IL12RB2: variants seen among roughly 807,000 people sequenced by gnomAD.
IL12RB2 encodes the protein interleukin-12 receptor subunit beta-2.
A neutral mutation model predicts 89.4 loss-of-function variants in IL12RB2; 82 were observed. That is an observed-to-expected ratio of 0.92 (90% CI 0.77 to 1.10). IL12RB2 has a LOEUF of 1.10. IL12RB2 is among the 50% of genes least tolerant of loss of function. The pLI is 0.00. For missense variants in IL12RB2, 963 were observed against 1,031.9 expected (o/e 0.93, Z 0.92); for synonymous variants, 368 against 370.1 (o/e 0.99, Z 0.07).
chr1:67,382,945 T>G (rs1484409536), intron 14 of IL12RB2, among the ~76,000 whole-genome samples: 1 of 152,224 alleles, frequency 6.6e-6, no homozygotes, highest in Non-Finnish European at 1.5e-5. Context: ...TTTTCCATGC[T>G]GTTCTCTGCT....
intron 13 of IL12RB2, among the ~76,000 whole-genome samples, chr1:67,375,852 T>C (rs1323043382): frequency 6.6e-6 from 1 of 150,542 alleles, no homozygotes; most frequent in East Asian, 1.9e-4. Context: ...TTTTTCTTTT[T>C]TTTTTTTTTT....
At chr1:67,365,997 T>G (rs1662624878) in intron 10 of IL12RB2, among the ~76,000 whole-genome samples, 2 of 152,164 alleles carry the variant, frequency 1.3e-5, no homozygotes, top group African/African-American at 4.8e-5. Context: ...TGTTGAAAAC[T>G]GTTATGTTAA....
chr1:67,328,363 A>G lies in IL12RB2; in HGVS notation c.643A>G (p.Thr215Ala), dbSNP rs199823545. ...SLGSSSSLPS[T>A]FTFLDIVRPL... ...TGGAAGCTCCTCTTCACTTCCATCC[A>G]CATTCACATTCTTGGACATAGGTAC... is the stretch of plus-strand genomic sequence containing the variant. The change falls in exon 6 of 17, where the codon ACA becomes GCA. Residue 215 changes from threonine to alanine, a missense_variant. Thr to Ala is a moderately conservative substitution (Grantham distance 58). Transcript: ENST00000674203. 3 of 1,614,160 alleles carry G rather than the reference A, an allele frequency of 1.9e-6. No individual in the cohort carries two copies. Among genetic ancestry groups the G allele is most frequent in the Non-Finnish European group, 2.5e-6 (3 of 1,180,038 alleles).
In IL12RB2 at chr1:67,396,179, C is replaced by T; in HGVS notation, c.*90C>T. 1 of 844,404 alleles carries T rather than the reference C, an allele frequency of 1.2e-6. No homozygotes were observed. Among genetic ancestry groups the T allele is most frequent in the Non-Finnish European group, 2.0e-6 (1 of 489,966 alleles). The allele number at this position is 844,404 out of a possible 1,614,324, so 52.3% of individuals were successfully genotyped here. A position where few individuals can be genotyped will look rare whatever the true frequency, so the allele number is the denominator to read the frequency against. ...CAGCCCCTGCTCCAGCAGCTGTCAT[C>T]TCTGGGTGCCACCATCGGTCTGGCT... is the stretch of plus-strand genomic sequence containing the variant. On this transcript the variant is annotated 3_prime_UTR_variant, in exon 17 of 17. Transcript: ENST00000674203.
chr1:67,307,652 C>T (rs1052675723), upstream of IL12RB2: 2 of 152,364 alleles, frequency 1.3e-5, no homozygotes, highest in Non-Finnish European at 2.9e-5. Flanking sequence ...CGCTTCGACC[C>T]GCGGGGTGGA....
Position 67,367,789 on chromosome 1 carries a change from TTTTTA to T in IL12RB2, c.1259-31_1259-27del, listed in dbSNP as rs754170838. Reference sequence around the variant, plus strand: ...TGTTTAAATCTTTATCCCTCCTCTTTTTTTATTTTGTTTCTCCTCTTTCTGTCCGA... The same window carrying T: ...TGTTTAAATCTTTATCCCTCCTCTTTTTTTGTTTCTCCTCTTTCTGTCCGA... On this transcript the variant is annotated intron_variant, in intron 10 of 16. Transcript: ENST00000674203. 10 of 1,218,062 alleles carry T rather than the reference TTTTTA, an allele frequency of 8.2e-6. No homozygotes were observed. In the African/African-American group the frequency reaches 1.5e-4, roughly 18 times the overall value. The allele number at this position is 1,218,062 out of a possible 1,614,324, so 75.5% of individuals were successfully genotyped here. A position where few individuals can be genotyped will look rare whatever the true frequency, so the allele number is the denominator to read the frequency against.
At position 67,396,471 on chromosome 1, in the gene IL12RB2, C is replaced by T. The variant is rs181255075; in HGVS notation, c.*382C>T. The T allele has an allele frequency of 5.6e-6, 2 of 358,888 alleles. No individual in the cohort carries two copies. The highest frequency in any genetic ancestry group is 1.4e-4 in the East Asian group (2 of 14,694). The allele number at this position is 358,888 out of a possible 1,614,324, so 22.2% of individuals were successfully genotyped here. A position where few individuals can be genotyped will look rare whatever the true frequency, so the allele number is the denominator to read the frequency against. On this transcript the variant is annotated 3_prime_UTR_variant, in exon 17 of 17. Transcript: ENST00000674203. Reference sequence around the variant, plus strand: ...CATGCAATGACTATTTCTAAAGCACCTGCTACACAGCAGGCTGTACACAGC... The same window carrying T: ...CATGCAATGACTATTTCTAAAGCACTTGCTACACAGCAGGCTGTACACAGC...
intron 16 of IL12RB2, among the ~76,000 whole-genome samples, chr1:67,392,013 A>G (rs576149960): frequency 6.6e-6 from 1 of 152,268 alleles, no homozygotes; most frequent in East Asian, 1.9e-4. Flanking sequence ...AACTTGCCCA[A>G]TGTTAGTCAG....
chr1:67,389,182 C>G (rs888473986), intron 15 of IL12RB2, among the ~76,000 whole-genome samples: 1 of 152,126 alleles, frequency 6.6e-6, no homozygotes, highest in African/African-American at 2.4e-5. Flanking sequence ...CAGTTTTCTT[C>G]CATCTTTTTG....
intron 4 of IL12RB2, among the ~76,000 whole-genome samples, chr1:67,323,971 T>G (rs1656936846): frequency 6.6e-6 from 1 of 152,150 alleles, no homozygotes; most frequent in African/African-American, 2.4e-5. Flanking sequence ...TATTGAACAG[T>G]GATTCAGATA....
At chr1:67,341,527 AAG>A (rs1411777150) in intron 9 of IL12RB2, among the ~76,000 whole-genome samples, 11 of 41,926 alleles carry the variant, frequency 2.6e-4, no homozygotes, top group African/African-American at 5.0e-4. Flanking sequence ...AGAAAAAAGA[AAG>A]AGAAAGAAAG....
chr1:67,337,027 C>T (rs185712219), intron 8 of IL12RB2, among the ~76,000 whole-genome samples: 139 of 152,252 alleles, frequency 9.1e-4, no homozygotes, highest in Non-Finnish European at 1.7e-3. Flanking sequence ...AGCATTTGTT[C>T]AAAGTCACAG....
chr1:67,321,819 GT>G lies in IL12RB2; in HGVS notation c.297del (p.Phe99LeufsTer63). 1 of 1,613,534 alleles carries G rather than the reference GT, an allele frequency of 6.2e-7. No individual in the cohort carries two copies. Among genetic ancestry groups the G allele is most frequent in the Non-Finnish European group, 8.5e-7 (1 of 1,179,484 alleles). On this transcript the variant is annotated frameshift_variant, in exon 4 of 17. Transcript: ENST00000674203. LOFTEE classifies it high-confidence loss of function. Reference sequence around the variant, plus strand: ...CAGGTCTTCCCCTTGGTACAACCTTGTTTGTCTGCAAACTGGCCTGTATCAA... The same window carrying G: ...CAGGTCTTCCCCTTGGTACAACCTTGTTGTCTGCAAACTGGCCTGTATCAA... ...VTGLPLGTTL[F>X]VCKLACINSD...
At chr1:67,367,156 G>A (rs1662762343) in intron 10 of IL12RB2, among the ~76,000 whole-genome samples, 1 of 152,082 alleles carries the variant, frequency 6.6e-6, no homozygotes, top group African/African-American at 2.4e-5. Flanking sequence ...CCTTTGAGAG[G>A]CCGAGGCAGG....
chr1:67,372,576 T>A, intron 12 of IL12RB2, 42 bp downstream of exon 12: 1 of 1,609,070 alleles, frequency 6.2e-7, no homozygotes. Context: ...TTTAGTTTAA[T>A]GATTTGGATT....
At chr1:67,386,875 TATATATATATA>T (rs1557476368) in intron 15 of IL12RB2, among the ~76,000 whole-genome samples, 18 of 19,972 alleles carry the variant, frequency 9.0e-4, no homozygotes, top group Admixed American at 2.0e-3. Context: ...ATGTATTTTA[TATATATATATA>T]TATATATATA....
chr1:67,391,018 T>A (rs1016580272), intron 16 of IL12RB2, among the ~76,000 whole-genome samples: 10 of 152,038 alleles, frequency 6.6e-5, no homozygotes, highest in African/African-American at 1.9e-4. Flanking sequence ...AAAGAGTGGA[T>A]CCCAGCCACA....
chr1:67,368,076 T>A (rs1456360064), intron 11 of IL12RB2, 51 bp downstream of exon 11: 3 of 1,209,158 alleles, frequency 2.5e-6, no homozygotes, highest in Non-Finnish European at 3.7e-6. Context: ...TCACATTTGT[T>A]TGGGGAAACT....
At chr1:67,327,291 A>C (rs918089282) in intron 5 of IL12RB2, among the ~76,000 whole-genome samples, 5 of 152,196 alleles carry the variant, frequency 3.3e-5, no homozygotes, top group African/African-American at 9.6e-5. Context: ...AAGGAGAAGC[A>C]ATAGATACTT....
Sources: allele counts gnomAD v4.1 joint callset (sites outside exome capture counted in the v4.1 genomes callset), GRCh38; gene constraint gnomAD v4.1.1; transcripts MANE v1.5; gene names NCBI Gene and HGNC (gene_info 2026-07-23, HGNC 2026-07-21).